ANKRD17: variants seen among roughly 807,000 people sequenced by gnomAD.
ANKRD17 encodes the protein ankyrin repeat domain 17, also known as ankyrin repeat domain-containing protein 17.
ANKRD17 carries 19 observed loss-of-function variants against 229.7 expected under a neutral mutation model. The ratio of observed to expected loss-of-function variants is 0.08; its 90% CI spans 0.06 to 0.12. The LOEUF is 0.12. Ranked by LOEUF, ANKRD17 falls within the 10% of genes least tolerant of loss-of-function variation. The pLI, the probability that ANKRD17 is intolerant of heterozygous loss-of-function variation, is 1.00. For missense variants in ANKRD17, 2,176 were observed against 3,176.8 expected, an observed-to-expected ratio of 0.68 and a Z score of 7.57; for synonymous variants, 1,112 against 1,146.1, an observed-to-expected ratio of 0.97 and a Z score of 0.60.
chr4:73,231,016 AT>A (rs576698312), intron 1 of ANKRD17, among the ~76,000 whole-genome samples: 32 of 152,318 alleles, frequency 2.1e-4, no homozygotes, highest in African/African-American at 7.7e-4. Flanking sequence ...GAAATTACTT[AT>A]TTCAATGTTT....
intron 1 of ANKRD17, among the ~76,000 whole-genome samples, chr4:73,244,404 T>C (rs1025208939): frequency 2.6e-5 from 4 of 152,142 alleles, no homozygotes; most frequent in African/African-American, 9.7e-5. Flanking sequence ...ATATTCTACA[T>C]ATGCACTCTC....
At position 73,141,775 on chromosome 4, in the gene ANKRD17, G is replaced by T. The variant is rs752654057; in HGVS notation, c.2298C>A (p.Ala766=). 6.2e-7 allele frequency: 1 copy of T among 1,613,946 alleles called. No homozygotes were observed. Among genetic ancestry groups the T allele is most frequent in the South Asian group, 1.1e-5 (1 of 91,086 alleles). Residue 766 remains alanine, a synonymous_variant, in exon 14 of 34, where the codon GCC becomes GCA. Transcript: ENST00000358602. ...TGATGGGAAGAGTGGTGGCAACATT[G>T]GCAGGTGGTTTGTCAGGCTCCTGAG... ...VPPQEPDKPP[A]NVATTLPIRN...
chr4:73,256,105 G>T (rs970193147), intron 1 of ANKRD17, among the ~76,000 whole-genome samples: 1 of 152,128 alleles, frequency 6.6e-6, no homozygotes, highest in Non-Finnish European at 1.5e-5. Context: ...CCATGTAAAA[G>T]ACAGGATAAG....
chr4:73,125,732 C>CAAAAA (rs56986647), intron 16 of ANKRD17, among the ~76,000 whole-genome samples: 5 of 67,992 alleles, frequency 7.4e-5, no homozygotes, highest in South Asian at 6.0e-4. Flanking sequence ...GACTCCGTCT[C>CAAAAA]AAAAAAAAAA....
Position 73,074,749 on chromosome 4 carries a change from T to G in ANKRD17, c.*1482A>C, listed in dbSNP as rs1720899193. 6.6e-6 allele frequency: 1 copy of G among 152,342 alleles called. No homozygotes were observed. The highest frequency in any genetic ancestry group is 6.6e-5 in the Admixed American group (1 of 15,246). The allele number at this position is 152,342 out of a possible 1,614,324, so 9.4% of individuals were successfully genotyped here. On this transcript the variant is annotated 3_prime_UTR_variant, in exon 34 of 34. Coordinates refer to ENST00000358602, the MANE Select transcript of ANKRD17 (RefSeq NM_032217.5). ...TTTTATGTTTTACCAGTGTGAAATT[T>G]TATGTCTAATTAAAAAAAAAGAAGA...
At position 73,082,511 on chromosome 4, in the gene ANKRD17, G is replaced by A. The variant is rs577952524; in HGVS notation, c.7159+2738C>T. On this transcript the variant is annotated intron_variant, in intron 30 of 33. Transcript: ENST00000358602. ...CTCGTGAGAAGAAAAGGAGAGGAGAGAGGAGAGAACAAAAAGTGCTTCTAC... is the reference window on the plus strand; with the variant it reads ...CTCGTGAGAAGAAAAGGAGAGGAGAAAGGAGAGAACAAAAAGTGCTTCTAC... Among the ~76,000 whole-genome samples the A allele has an allele frequency of 5.5e-4, 83 of 152,084 alleles. 1 individual carries two copies. In the South Asian group the frequency reaches 0.016, roughly 29 times the overall value.
intron 2 of ANKRD17, among the ~76,000 whole-genome samples, chr4:73,170,431 G>C (rs1194432207): frequency 6.6e-6 from 1 of 151,568 alleles, no homozygotes; most frequent in Non-Finnish European, 1.5e-5. Flanking sequence ...CGACACCCAA[G>C]TAGTATGCCA....
At chr4:73,086,473 T>G (rs1306303623) in intron 29 of ANKRD17, among the ~76,000 whole-genome samples, 2 of 152,152 alleles carry the variant, frequency 1.3e-5, no homozygotes, top group Non-Finnish European at 2.9e-5. Context: ...TGAAATATGT[T>G]CATTAAAAAA....
intron 1 of ANKRD17, 63 bp from the exon 2 acceptor site, chr4:73,177,596 A>G (rs1465706066): frequency 2.3e-6 from 3 of 1,320,646 alleles, no homozygotes. Context: ...AAAAGAGGGG[A>G]GAGAAATAAA....
chr4:73,167,413 T>C (rs1386920015), intron 2 of ANKRD17, among the ~76,000 whole-genome samples: 1 of 152,132 alleles, frequency 6.6e-6, no homozygotes, highest in Non-Finnish European at 1.5e-5. Flanking sequence ...AAGCAACTAT[T>C]TGCATCGTAT....
chr4:73,080,342 C>T (rs181359841), intron 30 of ANKRD17, among the ~76,000 whole-genome samples: 74 of 151,712 alleles, frequency 4.9e-4, no homozygotes, highest in Non-Finnish European at 8.8e-4. Context: ...CAAAAATGAA[C>T]GAAAAGAAAA....
chr4:73,174,304 A>G (rs1293949165), intron 2 of ANKRD17, among the ~76,000 whole-genome samples: 2 of 152,224 alleles, frequency 1.3e-5, no homozygotes, highest in Non-Finnish European at 2.9e-5. Context: ...AATGTGATAC[A>G]TCACATAAAA....
intron 3 of ANKRD17, among the ~76,000 whole-genome samples, chr4:73,158,061 A>G (rs1294941982): frequency 6.6e-6 from 1 of 151,846 alleles, no homozygotes; most frequent in Non-Finnish European, 1.5e-5. Flanking sequence ...ACTGCACTCC[A>G]GTCTGTGTGA....
At chr4:73,093,979 C>T (rs1292401061) in intron 28 of ANKRD17, 100 bp downstream of exon 28, 2 of 1,133,446 alleles carry the variant, frequency 1.8e-6, no homozygotes, top group African/African-American at 3.1e-5. Flanking sequence ...AAAAAGTATA[C>T]TATGTAACAC....
At chr4:73,146,597 CAG>C (rs914131712) in intron 10 of ANKRD17, among the ~76,000 whole-genome samples, 165 bp downstream of exon 10, 2 of 151,146 alleles carry the variant, frequency 1.3e-5, no homozygotes, top group African/African-American at 2.4e-5. Flanking sequence ...GGACACTAAA[CAG>C]TGTGGAAAAA....
At chr4:73,159,468 C>G (rs1236565233) in intron 3 of ANKRD17, among the ~76,000 whole-genome samples, 2 of 152,158 alleles carry the variant, frequency 1.3e-5, no homozygotes, top group Admixed American at 6.6e-5. Flanking sequence ...GCATATTAAG[C>G]CTGGCACATG....
chr4:73,150,246 A>C (rs1360277689), intron 7 of ANKRD17, among the ~76,000 whole-genome samples: 1 of 152,174 alleles, frequency 6.6e-6, no homozygotes, highest in Non-Finnish European at 1.5e-5. Flanking sequence ...CAAGTCTTTC[A>C]AATGTCTGGC....
intron 1 of ANKRD17, among the ~76,000 whole-genome samples, chr4:73,221,640 G>GA (rs1488098629): frequency 6.6e-6 from 1 of 152,138 alleles, no homozygotes; most frequent in African/African-American, 2.4e-5. Context: ...CTCCTTTGAT[G>GA]AAAGTTTATA....
intron 24 of ANKRD17, among the ~76,000 whole-genome samples, chr4:73,112,371 G>A (rs1400647212): frequency 2.6e-5 from 4 of 152,122 alleles, no homozygotes; most frequent in South Asian, 2.1e-4. Context: ...ATACTGCCTT[G>A]TATTTAGCAG....
Sources: allele counts gnomAD v4.1 joint callset (sites outside exome capture counted in the v4.1 genomes callset), GRCh38; gene constraint gnomAD v4.1.1; transcripts MANE v1.5; gene names NCBI Gene and HGNC (gene_info 2026-07-23, HGNC 2026-07-21).